LSM12: variants seen among roughly 807,000 people sequenced by gnomAD.
LSM12 encodes the protein protein LSM12.
For synonymous variants in LSM12, 74 were observed against 87.3 expected (o/e 0.85, Z 0.85); for missense variants, 108 against 238.9 (o/e 0.45, Z 3.61).
intron 2 of LSM12, among the ~76,000 whole-genome samples, chr17:44,042,302 G>A (rs780130952): frequency 6.6e-6 from 1 of 151,710 alleles, no homozygotes; most frequent in African/African-American, 2.4e-5. Context: ...AAAAATGGGG[G>A]AGCCATACCT....
At chr17:44,039,267 C>G (rs1322904436) in intron 3 of LSM12, among the ~76,000 whole-genome samples, 1 of 150,956 alleles carries the variant, frequency 6.6e-6, no homozygotes. Flanking sequence ...GTTGGTCAGG[C>G]TGGTCTGGAA....
rs893458630 is a variant in LSM12 at position 44,055,691 on chromosome 17, A to AAT, written c.258+8108_258+8109dup. Among the ~76,000 whole-genome samples the AAT allele has an allele frequency of 4.9e-3, 704 of 144,488 alleles. 4 individuals carry two copies. The highest frequency in any genetic ancestry group is 0.016 in the African/African-American group (636 of 39,158). 94.8% of individuals were successfully genotyped at this position (144,488 alleles called of 152,430 possible). ...CCCTGTCTCAAATATATATATATAAAATATATATATATAATATATAAAATA... is the reference window on the plus strand; with the variant it reads ...CCCTGTCTCAAATATATATATATAAAATATATATATATATAATATATAAAATA... On this transcript the variant is annotated intron_variant, in intron 2 of 4. Transcript: ENST00000293406.
At chr17:44,045,200 G>T (rs1420831794) in intron 2 of LSM12, among the ~76,000 whole-genome samples, 1 of 151,902 alleles carries the variant, frequency 6.6e-6, no homozygotes, top group African/African-American at 2.4e-5. Flanking sequence ...GCTAATTTTT[G>T]TATTTTTAGT....
At position 44,042,522 on chromosome 17, in the gene LSM12, C is replaced by T. The variant is rs1456076209; in HGVS notation, c.259-2266G>A. ...TCAAGCGATTCTCCTGTCTCAGCCT[C>T]CAGAGTAGCTGGGATTACAGGTGCC... On this transcript the variant is annotated intron_variant, in intron 2 of 4. Coordinates refer to ENST00000293406, the MANE Select transcript of LSM12 (RefSeq NM_001371445.1). Among the ~76,000 whole-genome samples the T allele has an allele frequency of 2.0e-5, 3 of 150,648 alleles. No homozygotes were observed. The East Asian group carries it at 6.0e-4, about 30-fold the overall frequency.
At position 44,035,630 on chromosome 17, in the gene LSM12, ATATT is replaced by A. The variant is rs1232375907; in HGVS notation, c.*574_*577del. On this transcript the variant is annotated 3_prime_UTR_variant, in exon 5 of 5. Coordinates refer to ENST00000293406, the MANE Select transcript of LSM12 (RefSeq NM_001371445.1). ...CATTTTAATATATATTTTCATATAT[ATATT>A]TAAAGTTAAGAAAAATAAAACTAAT... 2 of 110,696 alleles carry A rather than the reference ATATT, an allele frequency of 1.8e-5. No individual in the cohort carries two copies. The highest frequency in any genetic ancestry group is 3.6e-5 in the Non-Finnish European group (2 of 55,334). The allele number at this position is 110,696 out of a possible 1,614,324, so 6.9% of individuals were successfully genotyped here. A position where few individuals can be genotyped will look rare whatever the true frequency, so the allele number is the denominator to read the frequency against.
At chr17:44,041,541 A>C (rs758184293) in intron 2 of LSM12, among the ~76,000 whole-genome samples, 5 of 152,176 alleles carry the variant, frequency 3.3e-5, no homozygotes, top group Non-Finnish European at 7.3e-5. Flanking sequence ...GTCCACCTTT[A>C]ACTTTAGCTA....
intron 2 of LSM12, among the ~76,000 whole-genome samples, chr17:44,040,652 T>C (rs1174323503): frequency 6.6e-6 from 1 of 152,028 alleles, no homozygotes; most frequent in Non-Finnish European, 1.5e-5. Context: ...GACTATGTGA[T>C]GGCAAATGAT....
upstream of LSM12, among the ~76,000 whole-genome samples, chr17:44,067,010 G>T (rs2049889253): frequency 6.6e-6 from 1 of 152,206 alleles, no homozygotes; most frequent in Admixed American, 6.5e-5. Flanking sequence ...TGGACAAGAT[G>T]ATTATAAGGC....
At chr17:44,056,454 A>C (rs563838373) in intron 2 of LSM12, among the ~76,000 whole-genome samples, 11 of 152,116 alleles carry the variant, frequency 7.2e-5, no homozygotes, top group African/African-American at 2.7e-4. Context: ...CCAACTGACA[A>C]AAAATTGTTT....
intron 2 of LSM12, among the ~76,000 whole-genome samples, chr17:44,059,546 T>C (rs2049767926): frequency 6.6e-6 from 1 of 152,036 alleles, no homozygotes; most frequent in East Asian, 1.9e-4. Context: ...ACTGAGACCC[T>C]GTCTCAAAAA....
intron 3 of LSM12, 82 bp from the exon 4 acceptor site, chr17:44,037,620 A>G (rs2049432790): frequency 2.1e-6 from 3 of 1,460,692 alleles, no homozygotes; most frequent in Non-Finnish European, 2.7e-6. Context: ...TAACTCCAGA[A>G]GGCTGATCCC....
chr17:44,062,298 A>T (rs2049808140), intron 2 of LSM12, among the ~76,000 whole-genome samples: 1 of 151,696 alleles, frequency 6.6e-6, no homozygotes. Flanking sequence ...AAATAAAAGC[A>T]TTCCCCTTTA....
chr17:44,040,950 T>C (rs2049479457), intron 2 of LSM12, among the ~76,000 whole-genome samples: 1 of 151,352 alleles, frequency 6.6e-6, no homozygotes, highest in Non-Finnish European at 1.5e-5. Flanking sequence ...CACTGCACTC[T>C]AGCCTGGGTG....
chr17:44,046,742 G>GT (rs2049573080), intron 2 of LSM12, among the ~76,000 whole-genome samples: 1 of 130,004 alleles, frequency 7.7e-6, no homozygotes, highest in Non-Finnish European at 1.6e-5. Context: ...CTGTCAAACT[G>GT]TTTTCTTTTT....
chr17:44,054,647 C>T (rs1377699657), intron 2 of LSM12, among the ~76,000 whole-genome samples: 1 of 151,884 alleles, frequency 6.6e-6, no homozygotes, highest in African/African-American at 2.4e-5. Flanking sequence ...TTCCACCTTT[C>T]TGACCCATTT....
At chr17:44,066,417 G>T in intron 1 of LSM12, 47 bp downstream of exon 1, 1 of 1,498,892 alleles carries the variant, frequency 6.7e-7, no homozygotes, top group Admixed American at 2.1e-5. Flanking sequence ...CCCGACCACC[G>T]CACCTACACG....
At chr17:44,065,907 T>A (rs1337095769) in intron 1 of LSM12, among the ~76,000 whole-genome samples, 2 of 151,204 alleles carry the variant, frequency 1.3e-5, no homozygotes, top group Non-Finnish European at 2.9e-5. Context: ...CAAGCCACTA[T>A]CCCTAGCTCA....
chr17:44,048,965 A>G (rs2049607488), intron 2 of LSM12, among the ~76,000 whole-genome samples: 1 of 152,198 alleles, frequency 6.6e-6, no homozygotes, highest in Non-Finnish European at 1.5e-5. Flanking sequence ...CAAGGCAGGA[A>G]GATCACTTGA....
At chr17:44,052,489 T>A (rs147458789) in intron 2 of LSM12, among the ~76,000 whole-genome samples, 3,730 of 152,140 alleles carry the variant, frequency 0.025, 139 homozygotes, top group African/African-American at 0.085. Context: ...CCGGGTGCGG[T>A]GGCTCACACT....
Sources: allele counts gnomAD v4.1 joint callset (sites outside exome capture counted in the v4.1 genomes callset), GRCh38; gene constraint gnomAD v4.1.1; transcripts MANE v1.5; gene names NCBI Gene and HGNC (gene_info 2026-07-23, HGNC 2026-07-21).